The following GMDS variants were observed in gnomAD, a reference collection of about 807,000 sequenced individuals.
GMDS encodes the protein GDP-mannose 4,6-dehydratase.
GMDS carries 20 observed loss-of-function variants against 49.9 expected under a neutral mutation model. The ratio of observed to expected loss-of-function variants is 0.40; its 90% confidence interval spans 0.28 to 0.58. GMDS has a LOEUF of 0.58. Ranked by LOEUF, GMDS falls within the 20% of genes least tolerant of loss-of-function variation. GMDS has a pLI of 0.42. For synonymous variants in GMDS, 177 were observed against 178.6 expected (o/e 0.99, Z 0.07); for missense variants, 362 against 481.4 (o/e 0.75, Z 2.32).
intron 1 of GMDS, among the ~76,000 whole-genome samples, chr6:2,198,342 T>C (rs1195985666): frequency 6.6e-6 from 1 of 151,914 alleles, no homozygotes; most frequent in Non-Finnish European, 1.5e-5. Context: ...TGCCTCAAAA[T>C]AGGAAAAAAA....
At chr6:2,176,253 C>A (rs960656690) in intron 1 of GMDS, among the ~76,000 whole-genome samples, 7 of 151,998 alleles carry the variant, frequency 4.6e-5, no homozygotes, top group African/African-American at 1.5e-4. Context: ...TTTAGAAAAA[C>A]CCATTTTTCT....
intron 4 of GMDS, among the ~76,000 whole-genome samples, chr6:1,978,189 C>T: frequency 6.6e-6 from 1 of 152,178 alleles, no homozygotes; most frequent in East Asian, 1.9e-4. Flanking sequence ...GGAAGGGTCC[C>T]CCCAGCAGTG....
intron 9 of GMDS, among the ~76,000 whole-genome samples, chr6:1,695,050 A>G (rs1449451537): frequency 6.8e-6 from 1 of 146,414 alleles, no homozygotes; most frequent in Non-Finnish European, 1.5e-5. Context: ...GAACAGAGTC[A>G]TATTTCTTTC....
chr6:1,713,625 T>C (rs113325265), intron 9 of GMDS, among the ~76,000 whole-genome samples: 1 of 151,638 alleles, frequency 6.6e-6, no homozygotes, highest in African/African-American at 2.4e-5. Context: ...CACACACACA[T>C]ACACGTACGT....
chr6:1,677,953 T>A (rs1764678025), intron 9 of GMDS, among the ~76,000 whole-genome samples: 1 of 152,104 alleles, frequency 6.6e-6, no homozygotes, highest in Non-Finnish European at 1.5e-5. Flanking sequence ...AATAAAAAAA[T>A]AAATAAAAAC....
At chr6:1,723,703 T>C (rs1294544809) in intron 9 of GMDS, among the ~76,000 whole-genome samples, 2 of 152,050 alleles carry the variant, frequency 1.3e-5, no homozygotes, top group East Asian at 3.9e-4. Flanking sequence ...CCTAAGCTGA[T>C]CGGTGAAAGC....
intron 1 of GMDS, among the ~76,000 whole-genome samples, chr6:2,190,788 G>GGGGAGGCGTGGGTGGTGGC (rs1196312789): frequency 1.3e-5 from 2 of 152,184 alleles, no homozygotes; most frequent in Non-Finnish European, 2.9e-5. Flanking sequence ...GTCCACGGCA[G>GGGGAGGCGTGGGTGGTGGC]GGGAGGCGTG....
At chr6:1,965,223 G>A (rs1389180797) in intron 4 of GMDS, among the ~76,000 whole-genome samples, 2 of 152,092 alleles carry the variant, frequency 1.3e-5, no homozygotes, top group African/African-American at 4.8e-5. Flanking sequence ...GGTATTTCTA[G>A]TTCTAGATCC....
intron 7 of GMDS, among the ~76,000 whole-genome samples, chr6:1,759,505 G>T (rs1020802334): frequency 6.6e-6 from 1 of 152,124 alleles, no homozygotes; most frequent in Non-Finnish European, 1.5e-5. Flanking sequence ...TCAATTCTAC[G>T]TGCTGGTTAC....
chr6:1,840,402 G>C (rs1484324944), intron 7 of GMDS, among the ~76,000 whole-genome samples: 1 of 152,156 alleles, frequency 6.6e-6, no homozygotes, highest in Non-Finnish European at 1.5e-5. Context: ...CAGCAGTCAT[G>C]AAAATGGCTT....
At chr6:2,000,349 T>C (rs1324420843) in intron 4 of GMDS, among the ~76,000 whole-genome samples, 1 of 151,712 alleles carries the variant, frequency 6.6e-6, no homozygotes, top group African/African-American at 2.4e-5. Context: ...TTTACTATAT[T>C]AACTGGTTTC....
At chr6:1,740,592 C>T (rs1245939625) in intron 8 of GMDS, among the ~76,000 whole-genome samples, 1 of 148,784 alleles carries the variant, frequency 6.7e-6, no homozygotes, top group East Asian at 2.0e-4. Flanking sequence ...TTAGAAGCAA[C>T]ATAAATTTTA....
intron 1 of GMDS, among the ~76,000 whole-genome samples, chr6:2,209,552 C>CATACAT (rs1779966762): frequency 2.1e-5 from 3 of 145,194 alleles, no homozygotes; most frequent in Non-Finnish European, 3.0e-5. Context: ...CTCTAATACA[C>CATACAT]ATACATACAC....
chr6:1,768,050 A>G (rs1398635094), intron 7 of GMDS, among the ~76,000 whole-genome samples: 1 of 152,186 alleles, frequency 6.6e-6, no homozygotes, highest in Non-Finnish European at 1.5e-5. Context: ...GTGGTGTTAA[A>G]ATAGGTATTT....
chr6:2,046,548 G>A (rs915118576), intron 4 of GMDS, among the ~76,000 whole-genome samples: 3 of 151,952 alleles, frequency 2.0e-5, no homozygotes, highest in Non-Finnish European at 2.9e-5. Context: ...CAACCTTCAC[G>A]TCTCAGGCTC....
At chr6:1,780,780 C>A (rs1041656639) in intron 7 of GMDS, among the ~76,000 whole-genome samples, 16 of 152,226 alleles carry the variant, frequency 1.1e-4, no homozygotes, top group Non-Finnish European at 2.1e-4. Flanking sequence ...ATGTCAGACT[C>A]AGAAGAACTT....
chr6:2,221,106 G>A (rs903235787), intron 1 of GMDS, among the ~76,000 whole-genome samples: 1 of 152,118 alleles, frequency 6.6e-6, no homozygotes, highest in Non-Finnish European at 1.5e-5. Context: ...TGGGAGGATT[G>A]CTTGAATCTA....
At chr6:2,245,292 G>C (rs1244542185) in intron 1 of GMDS, 29 bp downstream of exon 1, 2 of 1,448,376 alleles carry the variant, frequency 1.4e-6, no homozygotes, top group African/African-American at 1.4e-5. Context: ...AGGCTGCCTC[G>C]GCCGGCGCGC....
chr6:1,637,333 G>T (rs1250061612), intron 9 of GMDS, among the ~76,000 whole-genome samples: 1 of 152,240 alleles, frequency 6.6e-6, no homozygotes, highest in Non-Finnish European at 1.5e-5. Flanking sequence ...CGGCCCCGCA[G>T]ACAGCACTTG....
Sources: allele counts gnomAD v4.1 joint callset (sites outside exome capture counted in the v4.1 genomes callset), GRCh38; gene constraint gnomAD v4.1.1; transcripts MANE v1.5; gene names NCBI Gene and HGNC (gene_info 2026-07-23, HGNC 2026-07-21).